MYO3A: variants seen among roughly 807,000 people sequenced by gnomAD.
MYO3A encodes the protein myosin IIIA.
Under a neutral mutation model 192.7 loss-of-function variants are expected in MYO3A, and 180 were observed. That is an observed-to-expected ratio of 0.93 (90% CI 0.83 to 1.06). The LOEUF is 1.06. MYO3A is among the 50% of genes least tolerant of loss of function. MYO3A has a pLI of 0.00. For missense variants in MYO3A, 1,896 were observed against 1,905.0 expected (o/e 1.00, Z 0.09); for synonymous variants, 628 against 645.3 (o/e 0.97, Z 0.41).
At chr10:25,999,053 A>G (rs965653627) in intron 6 of MYO3A, among the ~76,000 whole-genome samples, 4 of 151,836 alleles carry the variant, frequency 2.6e-5, no homozygotes, top group African/African-American at 9.7e-5. Flanking sequence ...GCCCACCACC[A>G]TGCCTGGCTA....
chr10:26,132,081 G>A (rs1286726594), intron 20 of MYO3A, among the ~76,000 whole-genome samples: 1 of 152,184 alleles, frequency 6.6e-6, no homozygotes, highest in Non-Finnish European at 1.5e-5. Context: ...TCAAATGGCA[G>A]TATTCCATTG....
intron 32 of MYO3A, among the ~76,000 whole-genome samples, chr10:26,195,667 A>G (rs1353398739): frequency 6.6e-6 from 1 of 152,208 alleles, no homozygotes; most frequent in Admixed American, 6.5e-5. Context: ...TTGTCCACGA[A>G]CATTTGTCCT....
Position 26,168,851 on chromosome 10 carries a change from A to G in MYO3A, c.3251A>G (p.Glu1084Gly). The change falls in exon 28 of 35, where the codon GAA becomes GGA. Residue 1084 changes from glutamate (E) to glycine (G), a missense_variant. Transcript: ENST00000642920. ...CAAAAAATACAGGAGAAAAGGAAAGAAAGCGCTATAATAATACAGTCAGGT... is the reference window on the plus strand; with the variant it reads ...CAAAAAATACAGGAGAAAAGGAAAGGAAGCGCTATAATAATACAGTCAGGT... ...RYQKIQEKRK[E>G]SAIIIQSAAR... is the part of the protein sequence containing the mutation. 1 of 1,611,544 alleles carries G rather than the reference A, an allele frequency of 6.2e-7. No homozygotes were observed. The highest frequency in any genetic ancestry group is 8.5e-7 in the Non-Finnish European group (1 of 1,179,190).
chr10:26,108,416 A>G (rs1837961002), intron 17 of MYO3A, among the ~76,000 whole-genome samples: 1 of 152,222 alleles, frequency 6.6e-6, no homozygotes, highest in Admixed American at 6.5e-5. Flanking sequence ...CTAATTCTTC[A>G]ATTATTCTCA....
intron 17 of MYO3A, among the ~76,000 whole-genome samples, chr10:26,102,935 C>G (rs1356828662): frequency 1.3e-5 from 2 of 152,222 alleles, no homozygotes; most frequent in Non-Finnish European, 2.9e-5. Flanking sequence ...AGCTGTCAGA[C>G]AGGGACGTTT....
At chr10:25,945,260 T>C (rs938310347) in intron 2 of MYO3A, among the ~76,000 whole-genome samples, 1 of 152,110 alleles carries the variant, frequency 6.6e-6, no homozygotes. Context: ...TCCCTTTAAA[T>C]TCATTAAGGC....
Position 26,187,666 on chromosome 10 carries a change from G to A in MYO3A, c.4439-5539G>A, listed in dbSNP as rs556790162. ...CTCCCCCCACCCCACAACAGGCACC[G>A]ATGTGTGATGTTCCCCTTCCTGTGT... On this transcript the variant is annotated intron_variant, in intron 31 of 34. Transcript: ENST00000642920. Among the ~76,000 whole-genome samples the A allele has an allele frequency of 4.8e-3, 557 of 115,088 alleles. 3 individuals carry two copies. Among genetic ancestry groups the A allele is most frequent in the Admixed American group, 0.026 (199 of 7,734 alleles). The allele number at this position is 115,088 out of a possible 152,430, so 75.5% of individuals were successfully genotyped here.
chr10:26,171,156 G>T (rs541413681), intron 29 of MYO3A, among the ~76,000 whole-genome samples: 1 of 152,152 alleles, frequency 6.6e-6, no homozygotes, highest in African/African-American at 2.4e-5. Context: ...GGGGCAAGGA[G>T]GAGGGAACCC....
In MYO3A at chr10:26,155,686, T is replaced by C. The variant is rs552370749; in HGVS notation, c.2793+863T>C. ...AGTCCGAAGCTCATAGAAGACAGTG[T>C]GTACTTAATCATCTTTGAGTAGTGC... On this transcript the variant is annotated intron_variant, in intron 25 of 34. Coordinates refer to ENST00000642920, the MANE Select transcript of MYO3A (RefSeq NM_017433.5). 9.8e-5 allele frequency among the ~76,000 whole-genome samples: 15 copies of C among 152,352 alleles called. 1 individual carries two copies. In the South Asian group the frequency reaches 3.1e-3, roughly 32 times the overall value.
intron 29 of MYO3A, among the ~76,000 whole-genome samples, chr10:26,172,791 G>T (rs1346760844): frequency 6.6e-6 from 1 of 152,128 alleles, no homozygotes; most frequent in Admixed American, 6.5e-5. Flanking sequence ...CTAGTCCTAG[G>T]AAGTGGCCAG....
chr10:26,104,739 G>C (rs757423337), intron 17 of MYO3A, among the ~76,000 whole-genome samples: 3 of 151,296 alleles, frequency 2.0e-5, no homozygotes, highest in Non-Finnish European at 2.9e-5. Context: ...TTTTTGTTCA[G>C]CTCCCTCTTC....
chr10:25,991,426 T>G (rs559586303), intron 4 of MYO3A, among the ~76,000 whole-genome samples: 1 of 152,188 alleles, frequency 6.6e-6, no homozygotes, highest in East Asian at 1.9e-4. Flanking sequence ...CTTTGTCAGA[T>G]GAGTAGATTG....
chr10:26,176,822 T>A lies in MYO3A; in HGVS notation c.4415T>A (p.Val1472Asp), dbSNP rs1381441107. ...VSHHKPINRR[V>D]SSQQCLSGVC... ...CACCATAAGCCAATTAATAGACGAGTTTCTTCTCAGCAGTGCCTCTCAGGT... is the reference window on the plus strand; with the variant it reads ...CACCATAAGCCAATTAATAGACGAGATTCTTCTCAGCAGTGCCTCTCAGGT... Residue 1472 changes from valine to aspartate, a missense_variant, in exon 31 of 35, where the codon GTT becomes GAT. Transcript: ENST00000642920. 6.2e-7 allele frequency: 1 copy of A among 1,613,908 alleles called. No homozygotes were observed. The highest frequency in any genetic ancestry group is 8.5e-7 in the Non-Finnish European group (1 of 1,179,986).
At chr10:25,998,354 G>A (rs1840580023) in intron 6 of MYO3A, among the ~76,000 whole-genome samples, 1 of 152,194 alleles carries the variant, frequency 6.6e-6, no homozygotes, top group Admixed American at 6.5e-5. Context: ...AGAGCATCTA[G>A]AGAGGAATGG....
At chr10:26,052,299 A>G (rs967442055) in intron 10 of MYO3A, among the ~76,000 whole-genome samples, 2 of 152,222 alleles carry the variant, frequency 1.3e-5, no homozygotes, top group African/African-American at 4.8e-5. Flanking sequence ...AGCCCAGATT[A>G]AAGTACATCT....
intron 20 of MYO3A, among the ~76,000 whole-genome samples, 187 bp downstream of exon 20, chr10:26,128,725 G>A (rs934773697): frequency 4.6e-5 from 7 of 152,170 alleles, no homozygotes; most frequent in Non-Finnish European, 1.0e-4. Flanking sequence ...AATTTAGTGT[G>A]ACTGATATGT....
At position 26,010,460 on chromosome 10, in the gene MYO3A, T is replaced by G. The variant is rs936915967; in HGVS notation, c.509-6360T>G. On this transcript the variant is annotated intron_variant, in intron 6 of 34. Coordinates refer to ENST00000642920, the MANE Select transcript of MYO3A (RefSeq NM_017433.5). ...ATAGACTAAGTAGTTGTTTTTTTTT[T>G]TTTTTTTTTTTGTTTTGTTTTTTTA... Among the ~76,000 whole-genome samples the G allele has an allele frequency of 9.5e-5, 14 of 147,360 alleles. No homozygotes were observed. The East Asian group carries it at 9.7e-4, about 10-fold the overall frequency.
chr10:25,973,414 A>T (rs1838780795), intron 4 of MYO3A, among the ~76,000 whole-genome samples: 1 of 152,200 alleles, frequency 6.6e-6, no homozygotes, highest in African/African-American at 2.4e-5. Flanking sequence ...ATATAGAATC[A>T]TGACATCTGC....
At chr10:26,170,281 G>A in intron 28 of MYO3A, 135 bp from the exon 29 acceptor site, 1 of 933,030 alleles carries the variant, frequency 1.1e-6, no homozygotes, top group South Asian at 1.6e-5. Context: ...ATTTTTAAGT[G>A]AACCTGTTCT....
Sources: gnomAD v4.1 joint callset for allele counts (sites outside exome capture counted in the v4.1 genomes callset) on GRCh38, gnomAD v4.1.1 for gene constraint, MANE v1.5 for transcripts, NCBI Gene and HGNC (gene_info 2026-07-23, HGNC 2026-07-21) for gene names.